The following MBD5 variants were observed in gnomAD, a reference collection of about 807,000 sequenced individuals.
MBD5 encodes the protein methyl-CpG-binding domain protein 5.
A neutral mutation model predicts 117.3 loss-of-function variants in MBD5; 13 were observed. The ratio of observed to expected loss-of-function variants is 0.11; its 90% confidence interval spans 0.07 to 0.18. MBD5 has a LOEUF of 0.18. Among genes scored for constraint, MBD5 ranks in the 10% least tolerant of loss-of-function variants. The pLI is 1.00. For missense variants in MBD5, 1,879 were observed against 2,093.8 expected, an observed-to-expected ratio of 0.90 and a Z score of 2.00; for synonymous variants, 727 against 766.4, an observed-to-expected ratio of 0.95 and a Z score of 0.85.
At chr2:148,270,219 T>C (rs79773121) in intron 3 of MBD5, among the ~76,000 whole-genome samples, 19,296 of 152,138 alleles carry the variant, frequency 0.13, 1,471 homozygotes, top group Non-Finnish European at 0.18. Context: ...GACTACTGTA[T>C]TGGCTGGCTT....
Position 148,469,441 on chromosome 2 carries a change from C to A in MBD5, c.1498C>A (p.Pro500Thr). The change falls in exon 8 of 14, where the codon CCA becomes ACA. Residue 500 changes from proline (P) to threonine (T), a missense_variant. Coordinates refer to ENST00000642680, the MANE Select transcript of MBD5 (RefSeq NM_001378120.1). ...GTCACCAAGGTCAACAATAGGGTCC[C>A]CAAGGCCATCAATGCCATCAAGCCC... Reference protein sequence around the residue: ...PRSPRSTIGSPRPSMPSSPST... With the variant: ...PRSPRSTIGSTRPSMPSSPST... 1 of 1,613,878 alleles carries A rather than the reference C, an allele frequency of 6.2e-7. No individual in the cohort carries two copies. The highest frequency in any genetic ancestry group is 8.5e-7 in the Non-Finnish European group (1 of 1,179,938).
At chr2:148,341,796 C>T (rs1702953822) in intron 3 of MBD5, among the ~76,000 whole-genome samples, 1 of 151,998 alleles carries the variant, frequency 6.6e-6, no homozygotes, top group South Asian at 2.1e-4. Context: ...ACCATTATAT[C>T]TCCAGTGCTT....
intron 3 of MBD5, among the ~76,000 whole-genome samples, chr2:148,270,020 C>A (rs1050042163): frequency 2.0e-5 from 3 of 151,958 alleles, no homozygotes; most frequent in African/African-American, 7.2e-5. Flanking sequence ...TTTAAGATAT[C>A]CTCCTCTTGT....
chr2:148,034,121 CG>C (rs771879807), intron 1 of MBD5, among the ~76,000 whole-genome samples: 110 of 152,140 alleles, frequency 7.2e-4, no homozygotes, highest in Non-Finnish European at 1.3e-3. Flanking sequence ...CTTAAGCCTG[CG>C]AGGTCAAGGC....
intron 4 of MBD5, among the ~76,000 whole-genome samples, chr2:148,397,923 G>A (rs561351514): frequency 2.0e-5 from 3 of 151,852 alleles, no homozygotes; most frequent in African/African-American, 2.4e-5. Flanking sequence ...TGTCTTTTGC[G>A]ATAGTTTGCA....
intron 3 of MBD5, among the ~76,000 whole-genome samples, chr2:148,261,338 C>A (rs1050257676): frequency 6.6e-6 from 1 of 152,174 alleles, no homozygotes; most frequent in African/African-American, 2.4e-5. Context: ...CACTGAAAAT[C>A]TGTTGTTTGT....
intron 4 of MBD5, among the ~76,000 whole-genome samples, chr2:148,391,252 T>C (rs1200258060): frequency 2.7e-5 from 4 of 148,830 alleles, no homozygotes; most frequent in African/African-American, 9.9e-5. Context: ...TTAGATGTTT[T>C]AGAAAACAGT....
At chr2:148,284,933 A>G (rs779309139) in intron 3 of MBD5, among the ~76,000 whole-genome samples, 4 of 152,180 alleles carry the variant, frequency 2.6e-5, no homozygotes, top group Non-Finnish European at 5.9e-5. Flanking sequence ...CCAACAATAT[A>G]TGAGTGACTT....
At chr2:148,426,036 G>T (rs1705770973) in intron 4 of MBD5, among the ~76,000 whole-genome samples, 1 of 152,222 alleles carries the variant, frequency 6.6e-6, no homozygotes, top group South Asian at 2.1e-4. Flanking sequence ...AATCATGAGG[G>T]AACTCCCATT....
chr2:148,081,047 T>G (rs1418823136), intron 1 of MBD5, among the ~76,000 whole-genome samples: 1 of 152,192 alleles, frequency 6.6e-6, no homozygotes, highest in African/African-American at 2.4e-5. Context: ...AATATAAGGA[T>G]ATTTCATGTA....
intron 12 of MBD5, among the ~76,000 whole-genome samples, chr2:148,504,897 GT>G (rs1463017663): frequency 6.6e-6 from 1 of 152,172 alleles, no homozygotes. Flanking sequence ...CCAATAGGAT[GT>G]TTTATTGTTT....
At chr2:148,151,202 T>G (rs1195169372) in intron 1 of MBD5, among the ~76,000 whole-genome samples, 1 of 152,020 alleles carries the variant, frequency 6.6e-6, no homozygotes, top group Non-Finnish European at 1.5e-5. Context: ...GAGATAATCA[T>G]GTGGTTTTTG....
In MBD5 at chr2:148,027,330, G is replaced by T. The variant is rs1227226460; in HGVS notation, c.-925+5646G>T. On this transcript the variant is annotated intron_variant, in intron 1 of 13. Transcript: ENST00000642680. ...AATTATTTCATATTTATACTTAAAA[G>T]CTACTGAATTAAAATACTTTTTAAT... 3 of 152,106 alleles carry T rather than the reference G, an allele frequency of 2.0e-5. No individual in the cohort carries two copies. The East Asian group carries it at 5.8e-4, about 29-fold the overall frequency. 9.4% of individuals were successfully genotyped at this position (152,106 alleles called of 1,614,324 possible).
intron 1 of MBD5, among the ~76,000 whole-genome samples, chr2:148,120,755 C>A (rs1696750818): frequency 6.6e-6 from 1 of 152,114 alleles, no homozygotes; most frequent in Non-Finnish European, 1.5e-5. Context: ...TCCTTTTAAA[C>A]CTGGCTGTCT....
chr2:148,254,212 AC>A (rs1700529743), intron 3 of MBD5, among the ~76,000 whole-genome samples: 1 of 152,154 alleles, frequency 6.6e-6, no homozygotes, highest in African/African-American at 2.4e-5. Context: ...ATCTCCCATG[AC>A]CCACTCGCAG....
intron 1 of MBD5, among the ~76,000 whole-genome samples, chr2:148,131,904 G>T (rs1697058366): frequency 6.6e-6 from 1 of 152,136 alleles, no homozygotes; most frequent in African/African-American, 2.4e-5. Flanking sequence ...CACCTAAGGG[G>T]TGTGTGTGTT....
chr2:148,071,710 C>T (rs1406532668), intron 1 of MBD5: 1 of 152,112 alleles, frequency 6.6e-6, no homozygotes, highest in South Asian at 2.1e-4. Flanking sequence ...CTCCGGCTTC[C>T]CTCTGTCTTT....
chr2:148,224,717 G>A (rs889871348), intron 2 of MBD5, among the ~76,000 whole-genome samples: 19 of 151,398 alleles, frequency 1.3e-4, no homozygotes, highest in East Asian at 3.9e-4. Context: ...AATAATATTC[G>A]CTTTATAAAT....
intron 1 of MBD5, among the ~76,000 whole-genome samples, chr2:148,066,866 C>T (rs1695211203): frequency 6.6e-6 from 1 of 152,214 alleles, no homozygotes; most frequent in Non-Finnish European, 1.5e-5. Flanking sequence ...CTCATTCTAA[C>T]TTAAGACTTG....
Sources: gnomAD v4.1 joint callset for allele counts (sites outside exome capture counted in the v4.1 genomes callset) on GRCh38, gnomAD v4.1.1 for gene constraint, MANE v1.5 for transcripts, NCBI Gene and HGNC (gene_info 2026-07-23, HGNC 2026-07-21) for gene names.